Variants in FABP6 observed in about 807,000 individuals in gnomAD.
FABP6 encodes fatty acid binding protein 6, also known as gastrotropin.
In FABP6, 13 loss-of-function variants were observed where a neutral mutation model predicts 14.9. The observed-to-expected ratio is 0.87, with a 90% CI of 0.57 to 1.39. FABP6 has a LOEUF of 1.39. Ranked by LOEUF, FABP6 falls within the 40% of genes most tolerant of loss-of-function variation. The pLI, the probability that FABP6 is intolerant of heterozygous loss-of-function variation, is 0.00. For missense variants in FABP6, 161 were observed against 167.2 expected (o/e 0.96, Z 0.20); for synonymous variants, 75 against 63.6 (o/e 1.18, Z -0.85).
intron 1 of FABP6, among the ~76,000 whole-genome samples, chr5:160,195,096 C>A (rs1453233909): frequency 6.6e-6 from 1 of 151,976 alleles, no homozygotes; most frequent in Non-Finnish European, 1.5e-5. Flanking sequence ...ACCAGCCTGG[C>A]CAACATGGTG....
intron 2 of FABP6, among the ~76,000 whole-genome samples, chr5:160,206,844 G>A (rs1404569178): frequency 2.6e-5 from 4 of 152,252 alleles, no homozygotes; most frequent in South Asian, 2.1e-4. Flanking sequence ...GGACATGCAC[G>A]GCAGCACCTG....
At chr5:160,202,659 C>A (rs1263640977) in intron 2 of FABP6, among the ~76,000 whole-genome samples, 1 of 151,836 alleles carries the variant, frequency 6.6e-6, no homozygotes, top group Admixed American at 6.6e-5. Context: ...GAAAAATTAG[C>A]CAGGCGTGGT....
rs568008009 is a variant in FABP6 at position 160,235,386 on chromosome 5, C to T, written c.333+477C>T. 1.1e-4 allele frequency among the ~76,000 whole-genome samples: 17 copies of T among 152,112 alleles called. No homozygotes were observed. The East Asian group carries it at 2.1e-3, about 19-fold the overall frequency. ...AAGAGAAGTTGGAAATTTGCACTTC[C>T]GTGTGAAATCTCCACACTATTAAAT... is the stretch of plus-strand genomic sequence containing the variant. On this transcript the variant is annotated intron_variant, in intron 3 of 3. Transcript: ENST00000402432.
At chr5:160,196,368 A>G (rs368225371) in intron 1 of FABP6, among the ~76,000 whole-genome samples, 25 of 152,316 alleles carry the variant, frequency 1.6e-4, no homozygotes, top group African/African-American at 5.3e-4. Flanking sequence ...AAAGATGAAC[A>G]ACAGGAGGCC....
upstream of FABP6, chr5:160,229,299 C>T (rs568556567): frequency 3.7e-4 from 221 of 597,842 alleles, no homozygotes; most frequent in Middle Eastern, 1.6e-3. Flanking sequence ...TCCTCAAACC[C>T]GTTGCCATCC....
intron 2 of FABP6, among the ~76,000 whole-genome samples, chr5:160,205,085 T>C (rs1348429264): frequency 1.3e-5 from 2 of 152,084 alleles, no homozygotes; most frequent in African/African-American, 4.8e-5. Flanking sequence ...AAAAAATATA[T>C]GTGGTAGTCT....
At chr5:160,219,087 A>G (rs918480) in intron 3 of FABP6, among the ~76,000 whole-genome samples, 61,748 of 152,028 alleles carry the variant, frequency 0.41, 12,742 homozygotes, top group Non-Finnish European at 0.44. Flanking sequence ...ATCGATGCCA[A>G]CTAGTATTTC....
intron 2 of FABP6, among the ~76,000 whole-genome samples, chr5:160,201,911 C>T (rs1279070934): frequency 6.6e-6 from 1 of 152,190 alleles, no homozygotes; most frequent in African/African-American, 2.4e-5. Flanking sequence ...TGCAGGTGCA[C>T]ACCACCACAC....
At position 160,214,911 on chromosome 5, in the gene FABP6, C is replaced by T. The variant is rs1441210793; in HGVS notation, c.135+1092C>T. Among the ~76,000 whole-genome samples, 7 of 152,118 alleles carry T rather than the reference C, an allele frequency of 4.6e-5. No individual in the cohort carries two copies. In the South Asian group the frequency reaches 1.5e-3, roughly 32 times the overall value. ...TTTTCCCTGTCTGGCAGATACTGTT[C>T]CTAGTGAGGTGGCTGCCCTGCAGAA... On this transcript the variant is annotated intron_variant, in intron 3 of 6. Coordinates refer to the FABP6 transcript ENST00000393980.
At chr5:160,195,354 G>A (rs1759489230) in intron 1 of FABP6, among the ~76,000 whole-genome samples, 1 of 148,300 alleles carries the variant, frequency 6.7e-6, no homozygotes, top group Non-Finnish European at 1.5e-5. Flanking sequence ...GAGAACAAGA[G>A]CCCTTCCACA....
intron 1 of FABP6, among the ~76,000 whole-genome samples, chr5:160,192,777 A>T (rs1759423400): frequency 6.6e-6 from 1 of 152,232 alleles, no homozygotes; most frequent in Non-Finnish European, 1.5e-5. Context: ...CTGGGGTCAA[A>T]GGGTAGCTGG....
In FABP6 at chr5:160,232,107, G is replaced by A. The variant is rs1476730767; in HGVS notation, c.77G>A (p.Ser26Asn). Residue 26 changes from serine (S) to asparagine (N), a missense_variant, in exon 2 of 4, where the codon AGC (serine) becomes AAC (asparagine). Physicochemically the swap from Ser to Asn is conservative, Grantham distance 46. Coordinates refer to ENST00000402432, the MANE Select transcript of FABP6 (RefSeq NM_001445.3). ...DEFMKLLGIS[S>N]DVIEKARNFK... Reference sequence around the variant, plus strand: ...TTGTCCCCGGGTCCAGGGATCTCCAGCGATGTAATCGAAAAGGCCCGCAAC... The same window carrying A: ...TTGTCCCCGGGTCCAGGGATCTCCAACGATGTAATCGAAAAGGCCCGCAAC... The A allele has an allele frequency of 6.2e-7, 1 of 1,614,034 alleles. No individual in the cohort carries two copies. The highest frequency in any genetic ancestry group is 2.2e-5 in the East Asian group (1 of 44,874).
intron 2 of FABP6, among the ~76,000 whole-genome samples, chr5:160,208,689 A>C (rs1247267869): frequency 2.0e-5 from 3 of 152,196 alleles, no homozygotes. Flanking sequence ...GAACTTTGGG[A>C]GGCCAAAGCA....
chr5:160,237,789 C>A (rs1292838144), intron 3 of FABP6, among the ~76,000 whole-genome samples: 1 of 152,232 alleles, frequency 6.6e-6, no homozygotes, highest in African/African-American at 2.4e-5. Context: ...TGCTCCTGAG[C>A]TGGACAGAGC....
intron 2 of FABP6, chr5:160,204,954 G>A (rs1453956161): frequency 6.6e-6 from 1 of 152,136 alleles, no homozygotes; most frequent in East Asian, 1.9e-4. Flanking sequence ...TCCATAGCTA[G>A]GGATGGTCTG....
chr5:160,214,168 C>G (rs906123472), intron 3 of FABP6, among the ~76,000 whole-genome samples: 1 of 117,544 alleles, frequency 8.5e-6, no homozygotes, highest in East Asian at 2.5e-4. Context: ...TCCTTCTTCT[C>G]TCTTATAATT....
intron 3 of FABP6, among the ~76,000 whole-genome samples, chr5:160,223,249 G>A (rs745806043): frequency 6.6e-5 from 10 of 151,968 alleles, no homozygotes; most frequent in Admixed American, 1.3e-4. Flanking sequence ...ATGTGTTCTG[G>A]TGATCAGCAA....
At chr5:160,205,324 A>C (rs1759739640) in intron 2 of FABP6, among the ~76,000 whole-genome samples, 2 of 150,996 alleles carry the variant, frequency 1.3e-5, no homozygotes, top group South Asian at 4.2e-4. Context: ...TCTCAAAAAA[A>C]AAAAAAAAAA....
At chr5:160,238,037 T>G (rs1760553926) in intron 3 of FABP6, among the ~76,000 whole-genome samples, 1 of 152,136 alleles carries the variant, frequency 6.6e-6, no homozygotes, top group East Asian at 1.9e-4. Flanking sequence ...TGATGACACG[T>G]GCACATCCAA....
Sources: gnomAD v4.1 joint callset for allele counts (sites outside exome capture counted in the v4.1 genomes callset) on GRCh38, gnomAD v4.1.1 for gene constraint, MANE v1.5 for transcripts, NCBI Gene and HGNC (gene_info 2026-07-23, HGNC 2026-07-21) for gene names.